Variants in ATP13A5 observed in about 807,000 individuals in gnomAD.
ATP13A5 encodes ATPase 13A5.
Under a neutral mutation model 150.2 loss-of-function variants are expected in ATP13A5, and 149 were observed. The ratio of observed to expected loss-of-function variants is 0.99; its 90% CI spans 0.87 to 1.14. The LOEUF (loss-of-function observed/expected upper bound fraction) is 1.14. ATP13A5 is among the 50% of genes most tolerant of loss of function. The probability of loss-of-function intolerance (pLI) is 0.00; values close to 1 mark genes in which losing one functional copy is unlikely to be tolerated. For synonymous variants in ATP13A5, 497 were observed against 522.2 expected, an observed-to-expected ratio of 0.95 and a Z score of 0.66; for missense variants, 1,383 against 1,449.3, an observed-to-expected ratio of 0.95 and a Z score of 0.74.
intron 12 of ATP13A5, among the ~76,000 whole-genome samples, chr3:193,330,100 C>T (rs1263719234): frequency 1.3e-5 from 2 of 152,108 alleles, no homozygotes; most frequent in African/African-American, 4.8e-5. Flanking sequence ...TGCAGTGGGC[C>T]CCTTGTACCC....
chr3:193,376,123 T>C (rs1713633271), intron 1 of ATP13A5, among the ~76,000 whole-genome samples: 1 of 152,220 alleles, frequency 6.6e-6, no homozygotes, highest in Non-Finnish European at 1.5e-5. Context: ...CTGATTGTTT[T>C]CAAAAGATGA....
chr3:193,299,736 GA>G (rs1718329685), intron 24 of ATP13A5, among the ~76,000 whole-genome samples: 1 of 152,102 alleles, frequency 6.6e-6, no homozygotes, highest in Non-Finnish European at 1.5e-5. Context: ...GGTTTGTGTA[GA>G]CAGAACTTCT....
At chr3:193,346,776 AAAGTTAAACTT>A (rs1712356161) in intron 7 of ATP13A5, among the ~76,000 whole-genome samples, 1 of 152,164 alleles carries the variant, frequency 6.6e-6, no homozygotes, top group South Asian at 2.1e-4. Context: ...TTTTGCATGG[AAAGTTAAACTT>A]TGGTAATTTG....
chr3:193,332,624 CA>C (rs1711677393), intron 11 of ATP13A5, among the ~76,000 whole-genome samples: 3 of 152,038 alleles, frequency 2.0e-5, no homozygotes, highest in Admixed American at 1.3e-4. Flanking sequence ...ATCTTTTGCC[CA>C]ATATCAATTT....
chr3:193,373,641 A>G (rs1713530891), intron 1 of ATP13A5, among the ~76,000 whole-genome samples: 1 of 152,206 alleles, frequency 6.6e-6, no homozygotes, highest in African/African-American at 2.4e-5. Flanking sequence ...TACATAAATG[A>G]ACCACTTATT....
At position 193,364,263 on chromosome 3, in the gene ATP13A5, C is replaced by T; in HGVS notation, c.81G>A (p.Arg27=). ...AGAAGGCTTTCCGTACATTGTGGTC[C>T]CGGTAACCAAACACCTCCTGGAGAA... The part of the protein sequence containing the change: ...EEDELEVFGY[R]DHNVRKAFCL... Residue 27 remains arginine (R), a synonymous_variant, in exon 2 of 30, where the codon CGG becomes CGA. Transcript: ENST00000342358. 2 of 1,613,402 alleles carry T rather than the reference C, an allele frequency of 1.2e-6. No individual in the cohort carries two copies. The highest frequency in any genetic ancestry group is 1.7e-6 in the Non-Finnish European group (2 of 1,179,694).
chr3:193,331,630 A>C (rs1278486909), intron 11 of ATP13A5, among the ~76,000 whole-genome samples: 1 of 152,202 alleles, frequency 6.6e-6, no homozygotes, highest in African/African-American at 2.4e-5. Flanking sequence ...GATTTAGCAC[A>C]GAGGAGGTGC....
Position 193,364,111 on chromosome 3 carries a change from G to T in ATP13A5, c.233C>A (p.Thr78Lys). ...AGAAAACAGAAAGGCACGCACTGTT[G>T]TCCTCAGCAAAACAGTGTCTGCTTC... ...LQEADTVLLR[T>K]TDEFQRYMRK... Residue 78 changes from threonine to lysine, a missense_variant, in exon 2 of 30, where the codon ACA (threonine) becomes AAA (lysine). Transcript: ENST00000342358. The T allele has an allele frequency of 6.2e-7, 1 of 1,613,992 alleles. No individual in the cohort carries two copies. The highest frequency in any genetic ancestry group is 8.5e-7 in the Non-Finnish European group (1 of 1,179,920).
rs760648746 is a variant in ATP13A5, at chr3:193,321,815, G to A, written c.1781C>T (p.Thr594Ile). The A allele has an allele frequency of 1.1e-5, 17 of 1,613,988 alleles. No homozygotes were observed. The Admixed American group carries it at 2.3e-4, about 22-fold the overall frequency. ...ASKSPVEAII[T>I]LCQFPFSSSL... The stretch of plus-strand genomic sequence containing the variant: ...CGAGGAAAATGGAAACTGGCACAAG[G>A]TGATGATGGCTTCCACTGGACTCTG... The change falls in exon 16 of 30, where the codon ACC becomes ATC. Residue 594 changes from threonine to isoleucine, a missense_variant. By Grantham distance (89) the Thr-to-Ile change is moderately conservative (BLOSUM62 -1). Coordinates refer to ENST00000342358, the MANE Select transcript of ATP13A5 (RefSeq NM_198505.4).
chr3:193,319,242 T>A, intron 16 of ATP13A5, 134 bp from the exon 17 acceptor site: 1 of 646,590 alleles, frequency 1.5e-6, no homozygotes, highest in South Asian at 2.2e-5. Context: ...ACTTAGAGCT[T>A]CTCCTAAAGG....
At position 193,364,232 on chromosome 3, in the gene ATP13A5, C is replaced by A. The variant is rs772652516; in HGVS notation, c.112G>T (p.Val38Phe). The A allele has an allele frequency of 1.2e-6, 2 of 1,614,006 alleles. No individual in the cohort carries two copies. The highest frequency in any genetic ancestry group is 2.7e-5 in the African/African-American group (2 of 74,940). Residue 38 changes from valine (V) to phenylalanine (F), a missense_variant, in exon 2 of 30, where the codon GTC (valine) becomes TTC (phenylalanine). Around this residue, in one of 3 missense-constraint regions of ATP13A5, gnomAD observed 787 missense variants for 771.9 expected, o/e 1.02. Transcript: ENST00000342358. ...CCCCCACAGGTCAGCACGGATGCGA[C>A]AAGGCAGAAGGCTTTCCGTACATTG... ...DHNVRKAFCL[V>F]ASVLTCGGLL...
At chr3:193,304,630 G>A (rs1426519949) in intron 23 of ATP13A5, among the ~76,000 whole-genome samples, 2 of 152,084 alleles carry the variant, frequency 1.3e-5, no homozygotes, top group Admixed American at 1.3e-4. Flanking sequence ...CATAAAACTG[G>A]GTGTTTTGTT....
chr3:193,317,152 C>T (rs950907701), intron 17 of ATP13A5, among the ~76,000 whole-genome samples: 1 of 152,218 alleles, frequency 6.6e-6, no homozygotes, highest in Non-Finnish European at 1.5e-5. Context: ...TTTCTATTCC[C>T]TGCAATGCTC....
At chr3:193,297,058 A>G (rs565339448) in intron 25 of ATP13A5, among the ~76,000 whole-genome samples, 2 of 152,238 alleles carry the variant, frequency 1.3e-5, no homozygotes, top group African/African-American at 2.4e-5. Flanking sequence ...GCAAACCACT[A>G]TGGCACATGT....
chr3:193,359,458 G>C (rs1712920928), intron 5 of ATP13A5, among the ~76,000 whole-genome samples: 1 of 152,062 alleles, frequency 6.6e-6, no homozygotes, highest in Non-Finnish European at 1.5e-5. Flanking sequence ...TCATGGAACA[G>C]TTTCTGTCAG....
intron 21 of ATP13A5, among the ~76,000 whole-genome samples, chr3:193,308,193 C>T (rs1718691820): frequency 6.6e-6 from 1 of 152,202 alleles, no homozygotes; most frequent in East Asian, 1.9e-4. Flanking sequence ...GGCACGGTGG[C>T]TCACACCTGT....
intron 13 of ATP13A5, among the ~76,000 whole-genome samples, chr3:193,326,696 G>A (rs1044281359): frequency 3.9e-5 from 6 of 152,116 alleles, no homozygotes; most frequent in Admixed American, 3.9e-4. Flanking sequence ...AGGAAGTTTT[G>A]TAGTTTTTAA....
At chr3:193,302,770 TC>T (rs2108841377) in intron 23 of ATP13A5, among the ~76,000 whole-genome samples, 1 of 152,300 alleles carries the variant, frequency 6.6e-6, no homozygotes, top group African/African-American at 2.4e-5. Flanking sequence ...ATCCTATGCA[TC>T]TAAAACTGTA....
At chr3:193,359,816 TGTG>T (rs1338546782) in intron 5 of ATP13A5, among the ~76,000 whole-genome samples, 39 of 151,858 alleles carry the variant, frequency 2.6e-4, no homozygotes, top group East Asian at 1.9e-4. Context: ...TGTGTGTGTG[TGTG>T]GTGGTGGTGG....
Sources: allele counts gnomAD v4.1 joint callset (sites outside exome capture counted in the v4.1 genomes callset), GRCh38; gene constraint gnomAD v4.1.1; regional missense constraint gnomAD v4.1.1; transcripts MANE v1.5; gene names NCBI Gene and HGNC (gene_info 2026-07-23, HGNC 2026-07-21).